The following SREBF2 variants were observed in gnomAD, a reference collection of about 807,000 sequenced individuals.
SREBF2 encodes the protein sterol regulatory element-binding protein 2.
In SREBF2, 55 loss-of-function variants were observed where a neutral mutation model predicts 113.1. The ratio of observed to expected loss-of-function variants is 0.49; its 90% confidence interval spans 0.39 to 0.61. The LOEUF (loss-of-function observed/expected upper bound fraction) is 0.61. Among genes scored for constraint, SREBF2 ranks in the 20% least tolerant of loss-of-function variants. SREBF2 has a pLI of 0.00. For missense variants in SREBF2, 1,349 were observed against 1,487.4 expected (o/e 0.91, Z 1.53); for synonymous variants, 593 against 605.7 (o/e 0.98, Z 0.31).
At position 41,906,129 on chromosome 22, in the gene SREBF2, G is replaced by T. The variant is rs2077506858; in HGVS notation, c.*469G>T. 5.0e-6 allele frequency: 2 copies of T among 396,332 alleles called. No homozygotes were observed. The highest frequency in any genetic ancestry group is 3.8e-5 in the South Asian group (2 of 53,314). The allele number at this position is 396,332 out of a possible 1,614,324, so 24.6% of individuals were successfully genotyped here. Reference sequence around the variant, plus strand: ...GAATGTTTTCTACCAGTGTGCTTGGGTTTGCCATGATGCGAGGCTGAGTTG... The same window carrying T: ...GAATGTTTTCTACCAGTGTGCTTGGTTTTGCCATGATGCGAGGCTGAGTTG... On this transcript the variant is annotated 3_prime_UTR_variant, in exon 19 of 19. Coordinates refer to ENST00000361204, the MANE Select transcript of SREBF2 (RefSeq NM_004599.4).
intron 1 of SREBF2, among the ~76,000 whole-genome samples, chr22:41,858,087 G>A (rs1436035808): frequency 1.3e-5 from 2 of 152,106 alleles, no homozygotes; most frequent in South Asian, 2.1e-4. Context: ...TTGTGGGTGG[G>A]GAGATAGGAT....
intron 1 of SREBF2, among the ~76,000 whole-genome samples, chr22:41,863,317 C>T (rs1228125940): frequency 2.6e-5 from 4 of 152,226 alleles, no homozygotes; most frequent in South Asian, 2.1e-4. Flanking sequence ...CTGTGCGCAT[C>T]TATGAGGCCA....
intron 4 of SREBF2, 138 bp downstream of exon 4, chr22:41,871,173 A>C: frequency 3.8e-5 from 46 of 1,204,548 alleles, no homozygotes; most frequent in Non-Finnish European, 5.0e-5. Context: ...TGTAAATGTC[A>C]CCCCTCTTAG....
At chr22:41,841,096 A>G (rs1319451635) in intron 1 of SREBF2, among the ~76,000 whole-genome samples, 2 of 152,202 alleles carry the variant, frequency 1.3e-5, no homozygotes, top group Non-Finnish European at 2.9e-5. Flanking sequence ...CCATTGGGAA[A>G]GTTGGAGTGG....
At chr22:41,845,813 G>A (rs568412698) in intron 1 of SREBF2, among the ~76,000 whole-genome samples, 20 of 152,222 alleles carry the variant, frequency 1.3e-4, no homozygotes, top group Non-Finnish European at 2.8e-4. Flanking sequence ...GTGTGTCAGA[G>A]TACTGCATAG....
intron 1 of SREBF2, among the ~76,000 whole-genome samples, chr22:41,838,342 T>C (rs2076797764): frequency 6.6e-6 from 1 of 152,182 alleles, no homozygotes; most frequent in South Asian, 2.1e-4. Context: ...GAGGTGGAGC[T>C]AAATTGTACT....
chr22:41,890,211 A>C (rs2077345889), intron 11 of SREBF2, among the ~76,000 whole-genome samples: 1 of 152,132 alleles, frequency 6.6e-6, no homozygotes, highest in African/African-American at 2.4e-5. Flanking sequence ...CAAGCTTTGG[A>C]ATCAGACTAG....
rs187551994 is a variant in SREBF2, at chr22:41,874,721, C to T, written c.1090-616C>T. ...AGGAGTTCAAGACCAGCCTGGCCAA[C>T]ATGGTGAAACCCCGTCTCTACTAAA... On this transcript the variant is annotated intron_variant, in intron 5 of 18. Coordinates refer to ENST00000361204, the MANE Select transcript of SREBF2 (RefSeq NM_004599.4). Among the ~76,000 whole-genome samples, 153 of 152,270 alleles carry T rather than the reference C, an allele frequency of 1.0e-3. 1 individual carries two copies. The highest frequency in any genetic ancestry group is 3.6e-3 in the African/African-American group (151 of 41,562).
intron 11 of SREBF2, among the ~76,000 whole-genome samples, chr22:41,889,059 AT>A (rs1369991580): frequency 6.6e-6 from 1 of 152,008 alleles, no homozygotes; most frequent in Non-Finnish European, 1.5e-5. Context: ...ATTCCCAAAC[AT>A]TCTCTACTCA....
intron 11 of SREBF2, 44 bp downstream of exon 11, chr22:41,885,055 TTACC>T (rs751376124): frequency 4.4e-6 from 7 of 1,609,042 alleles, no homozygotes; most frequent in Non-Finnish European, 5.9e-6. Context: ...CCCTGAGCAC[TTACC>T]TAGCCAGGAG....
intron 13 of SREBF2, among the ~76,000 whole-genome samples, chr22:41,896,114 C>G (rs964736850): frequency 6.6e-6 from 1 of 150,428 alleles, no homozygotes; most frequent in Non-Finnish European, 1.5e-5. Context: ...GCACTCCAGC[C>G]TGGGTGACAG....
rs776638139 is a variant in SREBF2 at position 41,904,937 on chromosome 22, C to T, written c.3168C>T (p.His1056=). ...CCCGCACCCACCAGCTGCTGGAACA[C>T]AGCCTGCGGCGGCGCACCACGCAGA... ...SPTRTHQLLE[H]SLRRRTTQST... is the part of the protein sequence containing the mutation. Residue 1056 remains histidine (H), a synonymous_variant, in exon 18 of 19, where the codon CAC becomes CAT. Transcript: ENST00000361204. 10 of 1,604,154 alleles carry T rather than the reference C, an allele frequency of 6.2e-6. No individual in the cohort carries two copies. The highest frequency in any genetic ancestry group is 8.5e-6 in the Non-Finnish European group (10 of 1,178,436).
At chr22:41,847,937 A>G (rs2076892949) in intron 1 of SREBF2, among the ~76,000 whole-genome samples, 1 of 137,756 alleles carries the variant, frequency 7.3e-6, no homozygotes, top group Non-Finnish European at 1.5e-5. Flanking sequence ...TTTTTTTGAG[A>G]CGGAGTCTCG....
intron 16 of SREBF2, among the ~76,000 whole-genome samples, 153 bp from the exon 17 acceptor site, chr22:41,902,817 C>T (rs777324006): frequency 2.6e-5 from 4 of 152,218 alleles, no homozygotes; most frequent in South Asian, 2.1e-4. Context: ...GCTGTTCCCT[C>T]ACGTCCTGCG....
At chr22:41,842,372 C>G (rs1490142396) in intron 1 of SREBF2, among the ~76,000 whole-genome samples, 3 of 152,178 alleles carry the variant, frequency 2.0e-5, no homozygotes, top group African/African-American at 7.2e-5. Flanking sequence ...AGTTAGCATG[C>G]TATAAGCCCT....
In SREBF2 at chr22:41,877,229, G is replaced by T. The variant is rs2077204381; in HGVS notation, c.1387G>T (p.Val463Phe). ...PGSPLLDDAK[V>F]KDEPDSPPVA... ...CCAACCTCGAGGCCTTGTTTTGAAG[G>T]TCAAAGATGAGCCAGACTCTCCTCC... The change falls in exon 8 of 19, where the codon GTC (valine) becomes TTC (phenylalanine). Residue 463 changes from valine to phenylalanine, a missense_variant and splice_region_variant. By Grantham distance (50) the Val-to-Phe change is conservative (BLOSUM62 -1). Transcript: ENST00000361204. The T allele has an allele frequency of 2.5e-6, 4 of 1,614,182 alleles. No homozygotes were observed. Among genetic ancestry groups the T allele is most frequent in the Non-Finnish European group, 3.4e-6 (4 of 1,180,038 alleles).
intron 14 of SREBF2, among the ~76,000 whole-genome samples, chr22:41,897,948 C>T (rs1276626377): frequency 6.6e-6 from 1 of 152,170 alleles, no homozygotes; most frequent in Non-Finnish European, 1.5e-5. Flanking sequence ...GTTCCAGATA[C>T]TTTGAAGATA....
At chr22:41,900,146 C>T (rs2077452796) in intron 15 of SREBF2, 184 bp from the exon 16 acceptor site, 1 of 1,491,366 alleles carries the variant, frequency 6.7e-7, no homozygotes, top group Admixed American at 2.0e-5. Flanking sequence ...GGGCGCTAAC[C>T]CTAGCTCAGG....
At chr22:41,892,179 A>G (rs2077370169) in intron 11 of SREBF2, among the ~76,000 whole-genome samples, 2 of 152,188 alleles carry the variant, frequency 1.3e-5, no homozygotes, top group Non-Finnish European at 2.9e-5. Context: ...ACTTGCCTGT[A>G]CAGGGCCTGG....
Sources: gnomAD v4.1 joint callset for allele counts (sites outside exome capture counted in the v4.1 genomes callset) on GRCh38, gnomAD v4.1.1 for gene constraint, MANE v1.5 for transcripts, NCBI Gene and HGNC (gene_info 2026-07-23, HGNC 2026-07-21) for gene names.